Variants in CLSTN2 observed in about 807,000 individuals in gnomAD.
CLSTN2 encodes calsyntenin 2.
In CLSTN2, 48 loss-of-function variants were observed where a neutral mutation model predicts 101.2. That is an observed-to-expected ratio of 0.47 (90% CI 0.38 to 0.60). The LOEUF (loss-of-function observed/expected upper bound fraction) is 0.60. Among genes scored for constraint, CLSTN2 ranks in the 20% least tolerant of loss-of-function variants. The pLI is 0.00. For synonymous variants in CLSTN2, 481 were observed against 463.6 expected, an observed-to-expected ratio of 1.04 and a Z score of -0.48; for missense variants, 1,160 against 1,238.2, an observed-to-expected ratio of 0.94 and a Z score of 0.95.
chr3:140,305,301 T>A (rs932113203), intron 2 of CLSTN2, among the ~76,000 whole-genome samples: 1 of 152,080 alleles, frequency 6.6e-6, no homozygotes, highest in Admixed American at 6.5e-5. Context: ...AGGAGCAAAA[T>A]TAGAAATCAC....
At chr3:140,268,012 CAT>C (rs1447852796) in intron 2 of CLSTN2, among the ~76,000 whole-genome samples, 14 of 152,092 alleles carry the variant, frequency 9.2e-5, no homozygotes, top group Non-Finnish European at 1.2e-4. Flanking sequence ...ACACAGGCTA[CAT>C]AAAATGGGGA....
At chr3:140,010,254 T>C (rs946862509) in intron 1 of CLSTN2, among the ~76,000 whole-genome samples, 4 of 152,226 alleles carry the variant, frequency 2.6e-5, no homozygotes, top group Non-Finnish European at 5.9e-5. Context: ...TACCCTGCCA[T>C]GAACTAGGAG....
At chr3:140,526,595 C>CAA (rs56965995) in intron 8 of CLSTN2, among the ~76,000 whole-genome samples, 5 of 98,952 alleles carry the variant, frequency 5.1e-5, no homozygotes, top group African/African-American at 9.0e-5. Flanking sequence ...AACAAACAAA[C>CAA]AAAAAAAAAA....
intron 1 of CLSTN2, among the ~76,000 whole-genome samples, chr3:140,126,473 A>T (rs1407469389): frequency 6.6e-6 from 1 of 152,144 alleles, no homozygotes; most frequent in East Asian, 1.9e-4. Flanking sequence ...TGTGCAAAAA[A>T]AGCCCTAAGG....
intron 9 of CLSTN2, 132 bp downstream of exon 9, chr3:140,532,618 C>A (rs1237032894): frequency 1.8e-5 from 11 of 614,532 alleles, no homozygotes; most frequent in Non-Finnish European, 2.8e-5. Context: ...AAAAAAAATT[C>A]AAGACATATA....
intron 2 of CLSTN2, among the ~76,000 whole-genome samples, chr3:140,205,618 G>GCAACCCCCC (rs1553721844): frequency 1.5e-5 from 1 of 67,172 alleles, no homozygotes; most frequent in Non-Finnish European, 3.7e-5. Context: ...GACCTGACCC[G>GCAACCCCCC]CCCCCCACCC....
At chr3:140,437,953 A>G (rs2088704813) in intron 5 of CLSTN2, among the ~76,000 whole-genome samples, 1 of 152,096 alleles carries the variant, frequency 6.6e-6, no homozygotes. Flanking sequence ...ATTCCCCCAC[A>G]TCATAAAACT....
intron 1 of CLSTN2, among the ~76,000 whole-genome samples, chr3:139,967,287 C>T (rs1048674187): frequency 6.6e-6 from 1 of 152,206 alleles, no homozygotes; most frequent in Non-Finnish European, 1.5e-5. Context: ...TCTTCTATGA[C>T]TGGTCAAACA....
At chr3:140,518,595 G>A (rs570166373) in intron 8 of CLSTN2, among the ~76,000 whole-genome samples, 1 of 152,186 alleles carries the variant, frequency 6.6e-6, no homozygotes, top group Non-Finnish European at 1.5e-5. Context: ...CAGTAAGGGT[G>A]TAAATCCAGG....
intron 6 of CLSTN2, among the ~76,000 whole-genome samples, chr3:140,456,241 A>G (rs1267452110): frequency 6.6e-6 from 1 of 152,166 alleles, no homozygotes; most frequent in Non-Finnish European, 1.5e-5. Context: ...ATCTCCCTCC[A>G]GGTCCACTGA....
intron 1 of CLSTN2, among the ~76,000 whole-genome samples, chr3:140,153,163 C>G (rs1053199558): frequency 2.6e-5 from 4 of 152,168 alleles, no homozygotes; most frequent in Non-Finnish European, 5.9e-5. Flanking sequence ...GTACATGTCC[C>G]CTGCACAGCC....
intron 2 of CLSTN2, among the ~76,000 whole-genome samples, chr3:140,377,738 A>G (rs571744757): frequency 6.6e-6 from 1 of 152,232 alleles, no homozygotes; most frequent in Middle Eastern, 3.2e-3. Context: ...ATAAAGTCCA[A>G]AAGTTATTCA....
intron 1 of CLSTN2, among the ~76,000 whole-genome samples, chr3:140,081,209 GT>G (rs979889867): frequency 3.9e-5 from 6 of 152,144 alleles, no homozygotes; most frequent in Non-Finnish European, 1.5e-5. Context: ...TTTCAATTTG[GT>G]TTTTCCCCCC....
intron 8 of CLSTN2, among the ~76,000 whole-genome samples, chr3:140,484,928 G>A (rs1306331832): frequency 6.6e-6 from 1 of 152,038 alleles, no homozygotes; most frequent in Non-Finnish European, 1.5e-5. Flanking sequence ...GCTCAGAGTA[G>A]TTTGATCGTC....
chr3:139,935,624 T>C lies in CLSTN2; in HGVS notation c.109+141T>C, dbSNP rs9821843. On this transcript the variant is annotated intron_variant, in intron 1 of 16. Coordinates refer to ENST00000458420, the MANE Select transcript of CLSTN2 (RefSeq NM_022131.3). The surrounding 1 kb of genome is among the most constrained non-coding windows in gnomAD (Gnocchi z 5.5). ...TCTTTGGCCTCTGTGCGCCCTGGAT[T>C]CCCGAAGTCAGTTCCCTGCGCAGCG... 0.27 allele frequency: 112,096 copies of C among 418,694 alleles called. 15,934 individuals are homozygous for C. The highest frequency in any genetic ancestry group is 0.32 in the Middle Eastern group (549 of 1,740). The allele number at this position is 418,694 out of a possible 1,614,324, so 25.9% of individuals were successfully genotyped here.
At chr3:139,994,691 G>C (rs1387830777) in intron 1 of CLSTN2, among the ~76,000 whole-genome samples, 1 of 152,150 alleles carries the variant, frequency 6.6e-6, no homozygotes, top group Non-Finnish European at 1.5e-5. Flanking sequence ...TTTAATGCTT[G>C]CATGACACGT....
chr3:140,483,583 T>A (rs900617697), intron 8 of CLSTN2, among the ~76,000 whole-genome samples: 2 of 152,170 alleles, frequency 1.3e-5, no homozygotes. Context: ...AGTCTAAGTC[T>A]CTTTGTAGGT....
At chr3:140,250,993 G>T (rs1445569858) in intron 2 of CLSTN2, among the ~76,000 whole-genome samples, 1 of 152,146 alleles carries the variant, frequency 6.6e-6, no homozygotes, top group Non-Finnish European at 1.5e-5. Context: ...TTTCCTCACT[G>T]ACTGGTTTCC....
At chr3:140,506,667 G>A (rs544314064) in intron 8 of CLSTN2, 114 of 152,264 alleles carry the variant, frequency 7.5e-4, no homozygotes, top group African/African-American at 2.7e-3. Flanking sequence ...ACCTGGAGAT[G>A]TGGAAGTGGA....
Sources: allele counts gnomAD v4.1 joint callset (sites outside exome capture counted in the v4.1 genomes callset), GRCh38; gene constraint gnomAD v4.1.1; non-coding constraint Gnocchi (gnomAD v3.1); transcripts MANE v1.5; gene names NCBI Gene and HGNC (gene_info 2026-07-23, HGNC 2026-07-21).